The following LRBA variants were observed in gnomAD, a reference collection of about 807,000 sequenced individuals.
The protein encoded by LRBA is LPS responsive beige-like anchor protein, also known as lipopolysaccharide-responsive and beige-like anchor protein.
In LRBA, 176 loss-of-function variants were observed where a neutral mutation model predicts 330.0. The observed-to-expected ratio is 0.53, with a 90% CI of 0.47 to 0.60. The LOEUF (loss-of-function observed/expected upper bound fraction) is 0.60, where lower values mean the gene tolerates loss of function less well. LRBA is among the 20% of genes least tolerant of loss of function. The probability of loss-of-function intolerance (pLI) is 0.00; values close to 1 mark genes in which losing one functional copy is unlikely to be tolerated. For missense variants in LRBA, 3,259 were observed against 3,444.8 expected, an observed-to-expected ratio of 0.95 and a Z score of 1.35; for synonymous variants, 1,230 against 1,193.0, an observed-to-expected ratio of 1.03 and a Z score of -0.64.
chr4:150,433,285 G>A (rs913634420), intron 46 of LRBA, among the ~76,000 whole-genome samples: 2 of 151,844 alleles, frequency 1.3e-5, no homozygotes, highest in African/African-American at 4.8e-5. Context: ...TACAGGTAGG[G>A]TATTTTAAAG....
At chr4:150,453,532 CA>C (rs1193225887) in intron 44 of LRBA, among the ~76,000 whole-genome samples, 2 of 152,158 alleles carry the variant, frequency 1.3e-5, no homozygotes, top group Non-Finnish European at 2.9e-5. Context: ...GTAGCATTAG[CA>C]GCCACAATAC....
At position 150,900,302 on chromosome 4, in the gene LRBA, C is replaced by T. The variant is rs375504284; in HGVS notation, c.1756-85G>A. The T allele has an allele frequency of 2.1e-5, 20 of 938,080 alleles. No homozygotes were observed. The African/African-American group carries it at 2.8e-4, about 13-fold the overall frequency. The allele number at this position is 938,080 out of a possible 1,614,324, so 58.1% of individuals were successfully genotyped here. ...ACACTTCCAGGCTGTTTTATTTTCA[C>T]CACGCTTCTTCCAAAAAGTAAGATG... On this transcript the variant is annotated intron_variant, in intron 13 of 56. Transcript: ENST00000651943.
At chr4:150,473,455 C>T (rs1036967308) in intron 42 of LRBA, among the ~76,000 whole-genome samples, 7 of 152,144 alleles carry the variant, frequency 4.6e-5, no homozygotes, top group Non-Finnish European at 1.0e-4. Context: ...GAGATTAGTA[C>T]TTGAACCAGT....
At chr4:150,927,180 C>T (rs1158884124) in intron 4 of LRBA, among the ~76,000 whole-genome samples, 1 of 151,840 alleles carries the variant, frequency 6.6e-6, no homozygotes, top group African/African-American at 2.4e-5. Flanking sequence ...CGAGACCATC[C>T]TGGCTAACAT....
intron 40 of LRBA, among the ~76,000 whole-genome samples, chr4:150,501,460 A>G (rs1210430582): frequency 6.6e-6 from 1 of 152,084 alleles, no homozygotes; most frequent in Non-Finnish European, 1.5e-5. Context: ...AAAAATGCAA[A>G]AATTAGCTGG....
chr4:150,423,948 T>A (rs1749188494), intron 46 of LRBA, among the ~76,000 whole-genome samples: 1 of 152,002 alleles, frequency 6.6e-6, no homozygotes, highest in Non-Finnish European at 1.5e-5. Context: ...AATAAGAAAA[T>A]TATGACTAAA....
chr4:150,477,755 C>T (rs1162864667), intron 42 of LRBA, among the ~76,000 whole-genome samples: 1 of 151,870 alleles, frequency 6.6e-6, no homozygotes, highest in Non-Finnish European at 1.5e-5. Context: ...GAGTGTGTGA[C>T]AACCCCCCTC....
intron 22 of LRBA, among the ~76,000 whole-genome samples, chr4:150,863,742 A>G (rs1292912457): frequency 6.6e-6 from 1 of 152,106 alleles, no homozygotes; most frequent in African/African-American, 2.4e-5. Flanking sequence ...TACTTACACA[A>G]ACGGATTTGA....
chr4:150,697,323 C>CAAAAA (rs1561527339), intron 36 of LRBA, among the ~76,000 whole-genome samples: 4 of 1,482 alleles, frequency 2.7e-3, no homozygotes, highest in Admixed American at 0.017. Flanking sequence ...GACTTTGTCT[C>CAAAAA]AGAAAAAAAA....
chr4:150,811,104 T>C (rs923053330), intron 31 of LRBA, among the ~76,000 whole-genome samples: 1 of 152,188 alleles, frequency 6.6e-6, no homozygotes, highest in African/African-American at 2.4e-5. Flanking sequence ...GTAAAGTACT[T>C]CACAGACCCA....
chr4:150,956,792 A>C (rs1407862157), intron 2 of LRBA, among the ~76,000 whole-genome samples: 1 of 149,236 alleles, frequency 6.7e-6, no homozygotes, highest in East Asian at 1.9e-4. Flanking sequence ...AGACAAAAAA[A>C]GCATCTGACA....
intron 17 of LRBA, among the ~76,000 whole-genome samples, chr4:150,884,074 A>G (rs1211992172): frequency 2.6e-5 from 4 of 152,170 alleles, no homozygotes; most frequent in Non-Finnish European, 4.4e-5. Flanking sequence ...TCCTGTCATT[A>G]CCACCCCAGT....
At chr4:150,661,489 A>C (rs1046231376) in intron 37 of LRBA, among the ~76,000 whole-genome samples, 2 of 149,376 alleles carry the variant, frequency 1.3e-5, no homozygotes, top group African/African-American at 4.9e-5. Context: ...AAAAAAAAAG[A>C]AGAAAGAAAG....
At chr4:150,830,927 C>T (rs1370329733) in intron 29 of LRBA, among the ~76,000 whole-genome samples, 1 of 151,804 alleles carries the variant, frequency 6.6e-6, no homozygotes, top group African/African-American at 2.4e-5. Context: ...CCATGCCTGG[C>T]TAATTTTTTG....
At chr4:150,627,975 T>C (rs1175233891) in intron 37 of LRBA, among the ~76,000 whole-genome samples, 2 of 152,074 alleles carry the variant, frequency 1.3e-5, no homozygotes, top group Non-Finnish European at 2.9e-5. Context: ...TTGAGAAAAA[T>C]TGTAATAATA....
chr4:150,612,069 A>G (rs889922069), intron 37 of LRBA, among the ~76,000 whole-genome samples: 7 of 152,084 alleles, frequency 4.6e-5, no homozygotes, highest in Admixed American at 2.0e-4. Context: ...TGCCAGGGGA[A>G]TTTTTGCATT....
intron 40 of LRBA, among the ~76,000 whole-genome samples, chr4:150,512,717 G>GAAAAAA (rs370203536): frequency 6.0e-5 from 6 of 100,690 alleles, no homozygotes; most frequent in East Asian, 3.3e-4. Flanking sequence ...TGCTTTTTGA[G>GAAAAAA]AAAAAAAAAA....
intron 26 of LRBA, among the ~76,000 whole-genome samples, chr4:150,848,165 C>G (rs1408780638): frequency 2.6e-5 from 4 of 152,074 alleles, no homozygotes; most frequent in African/African-American, 7.2e-5. Context: ...TAAGCGTGCA[C>G]CACCACACCT....
At chr4:150,429,909 C>T (rs748331418) in intron 46 of LRBA, among the ~76,000 whole-genome samples, 1 of 152,054 alleles carries the variant, frequency 6.6e-6, no homozygotes, top group Non-Finnish European at 1.5e-5. Context: ...TCTAAATGCT[C>T]TCTACTATAT....
Sources: gnomAD v4.1 joint callset for allele counts (sites outside exome capture counted in the v4.1 genomes callset) on GRCh38, gnomAD v4.1.1 for gene constraint, MANE v1.5 for transcripts, NCBI Gene and HGNC (gene_info 2026-07-23, HGNC 2026-07-21) for gene names.